RGS22: variants seen among roughly 807,000 people sequenced by gnomAD.
RGS22 encodes the protein regulator of G-protein signaling 22.
RGS22 carries 148 observed loss-of-function variants against 172.9 expected under a neutral mutation model. The observed-to-expected ratio is 0.86, with a 90% CI of 0.75 to 0.98. The LOEUF is 0.98. Among genes scored for constraint, RGS22 ranks in the 50% least tolerant of loss-of-function variants. The pLI, the probability that RGS22 is intolerant of heterozygous loss-of-function variation, is 0.00. For missense variants in RGS22, 1,347 were observed against 1,440.8 expected, an observed-to-expected ratio of 0.93 and a Z score of 1.05; for synonymous variants, 458 against 480.2, an observed-to-expected ratio of 0.95 and a Z score of 0.60.
chr8:100,053,334 T>G (rs540618400), intron 9 of RGS22, among the ~76,000 whole-genome samples: 1 of 151,598 alleles, frequency 6.6e-6, no homozygotes, highest in Non-Finnish European at 1.5e-5. Context: ...AGGCAGGAGA[T>G]TTGCTTGAAC....
intron 3 of RGS22, among the ~76,000 whole-genome samples, chr8:100,089,150 T>C (rs1435189141): frequency 6.6e-6 from 1 of 150,866 alleles, no homozygotes; most frequent in Non-Finnish European, 1.5e-5. Flanking sequence ...GTCAAGAAAG[T>C]CCAATCTTCC....
At chr8:100,046,579 T>C (rs1353602705) in intron 11 of RGS22, 1 of 149,102 alleles carries the variant, frequency 6.7e-6, no homozygotes, top group Non-Finnish European at 1.5e-5. Context: ...CTTTTGGAAA[T>C]GGCAGAGAAG....
At chr8:100,058,924 A>G (rs1387375062) in intron 9 of RGS22, among the ~76,000 whole-genome samples, 1 of 152,214 alleles carries the variant, frequency 6.6e-6, no homozygotes, top group Non-Finnish European at 1.5e-5. Flanking sequence ...CAATGAACCA[A>G]TCAAAATTAA....
At position 99,962,537 on chromosome 8, in the gene RGS22, C is replaced by G. The variant is rs1050344532; in HGVS notation, c.3791-94G>C. ...CAGAGAGAAGCAGGACTCACACACA[C>G]GGAGAAATTCTCCTAAGTTGGGGGG... On this transcript the variant is annotated intron_variant, in intron 26 of 27. Transcript: ENST00000360863. 11 of 1,455,820 alleles carry G rather than the reference C, an allele frequency of 7.6e-6. No homozygotes were observed. The South Asian group carries it at 1.2e-4, about 16-fold the overall frequency. 90.2% of individuals were successfully genotyped at this position (1,455,820 alleles called of 1,614,324 possible). A position where few individuals can be genotyped will look rare whatever the true frequency, so the allele number is the denominator to read the frequency against.
chr8:100,048,021 G>A (rs988900176), intron 10 of RGS22, among the ~76,000 whole-genome samples: 1 of 151,868 alleles, frequency 6.6e-6, no homozygotes, highest in African/African-American at 2.4e-5. Context: ...AGATACCCTT[G>A]GTCCACATAA....
chr8:99,988,313 C>A (rs781527797), intron 20 of RGS22, among the ~76,000 whole-genome samples: 3 of 151,800 alleles, frequency 2.0e-5, no homozygotes, highest in Non-Finnish European at 4.4e-5. Flanking sequence ...TTTAGTAACA[C>A]CTAAAGGTAT....
intron 20 of RGS22, among the ~76,000 whole-genome samples, chr8:99,990,504 G>GC (rs1193691386): frequency 2.0e-5 from 3 of 152,148 alleles, no homozygotes; most frequent in Non-Finnish European, 1.5e-5. Flanking sequence ...GAAAAGTCCT[G>GC]CAACATTCTT....
At chr8:100,034,436 C>CTATA (rs917801222) in intron 14 of RGS22, among the ~76,000 whole-genome samples, 8 of 152,122 alleles carry the variant, frequency 5.3e-5, no homozygotes, top group African/African-American at 1.9e-4. Context: ...TCAAGGAGAA[C>CTATA]TATAAATCAC....
intron 24 of RGS22, among the ~76,000 whole-genome samples, chr8:99,964,059 C>G (rs1207655416): frequency 1.4e-5 from 2 of 146,846 alleles, no homozygotes; most frequent in Non-Finnish European, 2.9e-5. Context: ...CCATCATCAT[C>G]ATCATCCCTT....
In RGS22 at chr8:99,999,280, T is replaced by A; in HGVS notation, c.2931A>T (p.Ala977=). The A allele has an allele frequency of 6.2e-7, 1 of 1,613,868 alleles. No individual in the cohort carries two copies. Among genetic ancestry groups the A allele is most frequent in the Non-Finnish European group, 8.5e-7 (1 of 1,179,900 alleles). The change falls in exon 19 of 28, where the codon GCA becomes GCT. Residue 977 remains alanine (A), a synonymous_variant. Coordinates refer to ENST00000360863, the MANE Select transcript of RGS22 (RefSeq NM_015668.5). ...LPLFLASEQF[A]ARQKIKVQMK... ...TATATACCTTTATCTTCTGACGTGC[T>A]GCAAACTGTTCACTTGCAAGAAACA...
At chr8:100,009,777 T>C (rs538347038) in intron 14 of RGS22, among the ~76,000 whole-genome samples, 2 of 152,184 alleles carry the variant, frequency 1.3e-5, no homozygotes, top group Non-Finnish European at 2.9e-5. Flanking sequence ...TTTAAAATAA[T>C]CTTTTAAGAC....
At chr8:100,054,690 A>G (rs2131719955) in intron 9 of RGS22, among the ~76,000 whole-genome samples, 1 of 152,334 alleles carries the variant, frequency 6.6e-6, no homozygotes, top group Non-Finnish European at 1.5e-5. Context: ...TCCAAAGTCC[A>G]TAATTAGTTT....
chr8:100,056,677 C>T (rs1004273679), intron 9 of RGS22, among the ~76,000 whole-genome samples: 1 of 152,100 alleles, frequency 6.6e-6, no homozygotes, highest in Non-Finnish European at 1.5e-5. Flanking sequence ...TGGTGTTGAG[C>T]CTGCAGGTGC....
intron 3 of RGS22, among the ~76,000 whole-genome samples, chr8:100,081,837 C>T (rs1382447186): frequency 3.3e-5 from 5 of 151,314 alleles, no homozygotes; most frequent in Non-Finnish European, 5.9e-5. Flanking sequence ...AGTGAAAGAC[C>T]ATCTGGAAAA....
Position 100,041,889 on chromosome 8 carries a change from T to C in RGS22, c.1851A>G (p.Lys617=). The C allele has an allele frequency of 6.2e-7, 1 of 1,612,438 alleles. No individual in the cohort carries two copies. The highest frequency in any genetic ancestry group is 8.5e-7 in the Non-Finnish European group (1 of 1,178,778). ...KGSKYMSESS[K]VIHLTSFTDI... ...CAGTAAAAGATGTTAAATGAATGAC[T>C]TTGCTGCTTTCTGACATGTACTTTG... The change falls in exon 12 of 28, where the codon AAA becomes AAG. Residue 617 remains lysine (K), a synonymous_variant. Coordinates refer to ENST00000360863, the MANE Select transcript of RGS22 (RefSeq NM_015668.5).
intron 9 of RGS22, among the ~76,000 whole-genome samples, chr8:100,059,492 C>T (rs570262993): frequency 6.8e-4 from 103 of 151,284 alleles, no homozygotes; most frequent in Admixed American, 1.1e-3. Flanking sequence ...AGTAGCTATA[C>T]TTCTATCAGA....
chr8:100,007,506 AG>A (rs141953993), intron 15 of RGS22, among the ~76,000 whole-genome samples: 1 of 152,306 alleles, frequency 6.6e-6, no homozygotes, highest in East Asian at 1.9e-4. Flanking sequence ...ACTTTAAAAT[AG>A]AAGTACCAAA....
chr8:100,062,499 T>A (rs558365633), intron 9 of RGS22, 92 bp downstream of exon 9: 2 of 793,186 alleles, frequency 2.5e-6, no homozygotes, highest in East Asian at 5.4e-5. Flanking sequence ...ATTTTATGTT[T>A]CCATAAGTTA....
In RGS22 at chr8:99,973,793, C is replaced by G. The variant is rs1419649136; in HGVS notation, c.3519+4124G>C. Among the ~76,000 whole-genome samples, 3 of 151,174 alleles carry G rather than the reference C, an allele frequency of 2.0e-5. No homozygotes were observed. In the East Asian group the frequency reaches 5.9e-4, roughly 29 times the overall value. ...CTGCGGCAGGAGAATCGCTTGAACC[C>G]TGGAGGCAGAGGTTGCAGTGAGTCG... On this transcript the variant is annotated intron_variant, in intron 23 of 27. Transcript: ENST00000360863.
Sources: allele counts gnomAD v4.1 joint callset (sites outside exome capture counted in the v4.1 genomes callset), GRCh38; gene constraint gnomAD v4.1.1; transcripts MANE v1.5; gene names NCBI Gene and HGNC (gene_info 2026-07-23, HGNC 2026-07-21).